The following PAK3 variants were observed in gnomAD, a reference collection of about 807,000 sequenced individuals.
The protein encoded by PAK3 is p21 (RAC1) activated kinase 3.
In PAK3, 4 loss-of-function variants were observed where a neutral mutation model predicts 41.0. The observed-to-expected ratio is 0.10, with a 90% confidence interval of 0.05 to 0.22. The LOEUF is 0.22. Ranked by LOEUF, PAK3 falls within the 10% of genes least tolerant of loss-of-function variation. The probability of loss-of-function intolerance (pLI) is 1.00; values close to 1 mark genes in which losing one functional copy is unlikely to be tolerated. For missense variants in PAK3, 205 were observed against 409.9 expected, an observed-to-expected ratio of 0.50 and a Z score of 4.32; for synonymous variants, 146 against 139.6, an observed-to-expected ratio of 1.05 and a Z score of -0.32.
In PAK3 at chrX:111,220,966, A is replaced by T. The variant is rs756364847; in HGVS notation, c.*519A>T. 1 of 109,441 alleles carries T rather than the reference A, an allele frequency of 9.1e-6. No individual in the cohort carries two copies. The allele number at this position is 109,441 out of a possible 1,213,427, so 9.0% of individuals were successfully genotyped here. The stretch of plus-strand genomic sequence containing the variant: ...AAGGCAAAAAAAAAAAAAAAAACAA[A>T]CAAAAACAAAAACAAAACAAAAACA... On this transcript the variant is annotated 3_prime_UTR_variant, in exon 18 of 18. Transcript: ENST00000372007.
intron 16 of PAK3, among the ~76,000 whole-genome samples, chrX:111,197,626 T>C (rs1434791695): frequency 1.9e-4 from 21 of 112,149 alleles, no homozygotes; most frequent in African/African-American, 6.8e-4. Flanking sequence ...CTGAACTAAT[T>C]TACATTCCCT....
chrX:111,066,061 T>C (rs1484781172), intron 1 of PAK3, among the ~76,000 whole-genome samples: 3 of 112,201 alleles, frequency 2.7e-5, no homozygotes, highest in Admixed American at 9.5e-5. Flanking sequence ...TCAGCTCTGC[T>C]CTGATTTTAT....
chrX:111,165,306 G>T lies in PAK3; in HGVS notation c.766+1579G>T, dbSNP rs1331905163. Reference sequence around the variant, plus strand: ...ATACTAACCATTTGCTGTAATAACAGCAGTAATAATTCTCATTTATTGGGC... The same window carrying T: ...ATACTAACCATTTGCTGTAATAACATCAGTAATAATTCTCATTTATTGGGC... On this transcript the variant is annotated intron_variant, in intron 10 of 17. Transcript: ENST00000372007. Among the ~76,000 whole-genome samples the T allele has an allele frequency of 3.6e-5, 4 of 111,738 alleles. No homozygotes were observed. In the East Asian group the frequency reaches 1.1e-3, roughly 31 times the overall value.
chrX:111,190,184 C>A (rs761198955), intron 11 of PAK3, among the ~76,000 whole-genome samples: 10 of 110,677 alleles, frequency 9.0e-5, no homozygotes, highest in Non-Finnish European at 1.7e-4. Context: ...CAGTTCCAAT[C>A]GATATTTAGA....
intron 11 of PAK3, among the ~76,000 whole-genome samples, chrX:111,178,117 G>A (rs1286520040): frequency 9.0e-6 from 1 of 110,943 alleles, no homozygotes; most frequent in Non-Finnish European, 1.9e-5. Context: ...TGGACATGGA[G>A]AAGAGTTATA....
At chrX:110,981,181 AC>A (rs2091441407) in intron 1 of PAK3, among the ~76,000 whole-genome samples, 1 of 111,623 alleles carries the variant, frequency 9.0e-6, no homozygotes, top group Non-Finnish European at 1.9e-5. Flanking sequence ...TACAGCAAAA[AC>A]CAGAGGCCAG....
At chrX:111,047,882 T>G (rs1181530845) in intron 1 of PAK3, among the ~76,000 whole-genome samples, 1 of 112,082 alleles carries the variant, frequency 8.9e-6, no homozygotes, top group Non-Finnish European at 1.9e-5. Flanking sequence ...TCTCCAGAGA[T>G]ATGCAGTGGC....
intron 1 of PAK3, among the ~76,000 whole-genome samples, chrX:110,997,848 A>G (rs2091768295): frequency 9.0e-6 from 1 of 110,934 alleles, no homozygotes; most frequent in Admixed American, 9.6e-5. Flanking sequence ...GTACCCTTAT[A>G]AAAGAGACCT....
In PAK3 at chrX:110,987,600, A is replaced by T. The variant is rs934718070; in HGVS notation, c.-28+42972A>T. On this transcript the variant is annotated intron_variant, in intron 1 of 14. Coordinates refer to the PAK3 transcript ENST00000425146. ...TTTTTTCATTTAACCCTCATGCTTC[A>T]CAGAATGATTGAAAGGTACAAATGT... is the stretch of plus-strand genomic sequence containing the variant. 2.7e-5 allele frequency among the ~76,000 whole-genome samples: 3 copies of T among 111,869 alleles called. No individual in the cohort carries two copies. The Admixed American group carries it at 2.8e-4, about 11-fold the overall frequency.
chrX:111,165,541 C>T (rs1334896538), intron 10 of PAK3, among the ~76,000 whole-genome samples: 1 of 112,160 alleles, frequency 8.9e-6, no homozygotes, highest in Non-Finnish European at 1.9e-5. Flanking sequence ...CATTACCTAC[C>T]TACTTTGCTT....
intron 8 of PAK3, among the ~76,000 whole-genome samples, chrX:111,156,552 T>G (rs1314927998): frequency 8.9e-6 from 1 of 112,236 alleles, no homozygotes; most frequent in African/African-American, 3.2e-5. Context: ...AATGTGTATG[T>G]CTTTTTGCAT....
intron 1 of PAK3, among the ~76,000 whole-genome samples, chrX:110,997,594 T>C (rs1250430758): frequency 8.9e-6 from 1 of 111,975 alleles, no homozygotes; most frequent in Non-Finnish European, 1.9e-5. Context: ...TAGGCATCTA[T>C]AATAATGGAG....
intron 5 of PAK3, among the ~76,000 whole-genome samples, chrX:111,134,002 C>T (rs760554299): frequency 2.7e-5 from 3 of 111,806 alleles, no homozygotes; most frequent in Non-Finnish European, 5.7e-5. Flanking sequence ...TGAAAATGAC[C>T]ATATGACATC....
At chrX:110,968,605 A>G (rs1010116903) in intron 1 of PAK3, among the ~76,000 whole-genome samples, 8 of 111,764 alleles carry the variant, frequency 7.2e-5, no homozygotes, top group African/African-American at 2.6e-4. Flanking sequence ...TCATGTGCTT[A>G]TTTGCCATAT....
chrX:111,155,025 G>A (rs1423346041), intron 8 of PAK3, among the ~76,000 whole-genome samples: 1 of 110,901 alleles, frequency 9.0e-6, no homozygotes, highest in Non-Finnish European at 1.9e-5. Context: ...TGAAGTCTAT[G>A]TTATGGCTAA....
intron 1 of PAK3, among the ~76,000 whole-genome samples, chrX:111,062,994 C>T (rs1423084141): frequency 9.1e-6 from 1 of 109,469 alleles, no homozygotes; most frequent in Non-Finnish European, 1.9e-5. Flanking sequence ...ACTACTGCTA[C>T]CTAAAAAAAA....
At chrX:111,126,966 A>T (rs1294295576) in intron 5 of PAK3, among the ~76,000 whole-genome samples, 7 of 111,416 alleles carry the variant, frequency 6.3e-5, no homozygotes. Flanking sequence ...AAAAACTTGG[A>T]AAATAAAGAT....
In PAK3 at chrX:111,152,300, T is replaced by A. The variant is rs751915248; in HGVS notation, c.431-110T>A. The stretch of plus-strand genomic sequence containing the variant: ...TCTAGTTAATACTAAATTGGAGCAT[T>A]TCCTTCTAGTTGAAATCATGCAGTT... On this transcript the variant is annotated intron_variant, in intron 7 of 17. Transcript: ENST00000372007. 5.5e-5 allele frequency: 30 copies of A among 549,262 alleles called. No individual in the cohort carries two copies. The African/African-American group carries it at 6.3e-4, about 12-fold the overall frequency. The allele number at this position is 549,262 out of a possible 1,213,427, so 45.3% of individuals were successfully genotyped here.
chrX:111,169,200 A>G (rs147335460), intron 10 of PAK3: 112 of 193,090 alleles, frequency 5.8e-4, no homozygotes, highest in African/African-American at 3.2e-3. Flanking sequence ...GTACTTAAAG[A>G]CATAGTCTAA....
Sources: allele counts gnomAD v4.1 joint callset (sites outside exome capture counted in the v4.1 genomes callset), GRCh38; gene constraint gnomAD v4.1.1; transcripts MANE v1.5; gene names NCBI Gene and HGNC (gene_info 2026-07-23, HGNC 2026-07-21).